The following SREK1IP1 variants were observed in gnomAD, a reference collection of about 807,000 sequenced individuals.
SREK1IP1 encodes protein SREK1IP1.
In SREK1IP1, 12 loss-of-function variants were observed where a neutral mutation model predicts 22.8. The observed-to-expected ratio is 0.53, with a 90% CI of 0.34 to 0.85. SREK1IP1 has a LOEUF of 0.85. Among genes scored for constraint, SREK1IP1 ranks in the 40% least tolerant of loss-of-function variants. The probability of loss-of-function intolerance (pLI) is 0.02; values close to 1 mark genes in which losing one functional copy is unlikely to be tolerated. For synonymous variants in SREK1IP1, 53 were observed against 52.7 expected (o/e 1.01, Z -0.02); for missense variants, 147 against 171.8 (o/e 0.86, Z 0.81).
At chr5:64,764,748 A>T (rs1743007961) in intron 1 of SREK1IP1, among the ~76,000 whole-genome samples, 1 of 152,196 alleles carries the variant, frequency 6.6e-6, no homozygotes. Context: ...GCCTCCCACC[A>T]ATGATAGGAT....
At chr5:64,749,621 T>G (rs1742707283) in intron 2 of SREK1IP1, among the ~76,000 whole-genome samples, 1 of 151,966 alleles carries the variant, frequency 6.6e-6, no homozygotes, top group Non-Finnish European at 1.5e-5. Flanking sequence ...GTTTGTTTTT[T>G]GTAGAGATGA....
At chr5:64,747,666 C>T (rs915929760) in intron 2 of SREK1IP1, among the ~76,000 whole-genome samples, 3 of 151,756 alleles carry the variant, frequency 2.0e-5, no homozygotes, top group African/African-American at 7.3e-5. Flanking sequence ...CGGTGGCTCA[C>T]GCCTGTAATC....
intron 4 of SREK1IP1, among the ~76,000 whole-genome samples, chr5:64,727,366 A>C (rs1742288945): frequency 1.4e-5 from 2 of 144,098 alleles, no homozygotes; most frequent in African/African-American, 5.9e-5. Flanking sequence ...AAAAGAGTTA[A>C]TAGTAAAAAT....
At chr5:64,740,204 A>C (rs144811964) in intron 3 of SREK1IP1, among the ~76,000 whole-genome samples, 139 of 152,202 alleles carry the variant, frequency 9.1e-4, no homozygotes, top group African/African-American at 3.2e-3. Context: ...TGTGTCCAGG[A>C]AAGACAGAGA....
chr5:64,728,075 CTTTG>C (rs1486253886), intron 4 of SREK1IP1, 28 bp downstream of exon 4: 6 of 1,305,442 alleles, frequency 4.6e-6, no homozygotes, highest in South Asian at 2.0e-5. Context: ...CATAGGCCTG[CTTTG>C]TTTTTTAAAA....
At chr5:64,741,007 G>A in intron 3 of SREK1IP1, 50 bp downstream of exon 3, 1 of 1,517,428 alleles carries the variant, frequency 6.6e-7, no homozygotes, top group South Asian at 1.1e-5. Flanking sequence ...GATATAATAT[G>A]ACAGAACATT....
Position 64,754,354 on chromosome 5 carries a change from T to C in SREK1IP1, c.22A>G (p.Lys8Glu). 6.2e-7 allele frequency: 1 copy of C among 1,613,810 alleles called. No homozygotes were observed. Among genetic ancestry groups the C allele is most frequent in the Non-Finnish European group, 8.5e-7 (1 of 1,179,754 alleles). MAVPGCNKDSVRAGCKKC... is the reference protein window; with the variant it reads MAVPGCNEDSVRAGCKKC... Reference sequence around the variant, plus strand: ...TTACAGCCTGCTCTGACACTGTCCTTGTTGCAACCTGAAATACAATTGGAT... The same window carrying C: ...TTACAGCCTGCTCTGACACTGTCCTCGTTGCAACCTGAAATACAATTGGAT... Residue 8 changes from lysine (K) to glutamate (E), a missense_variant, in exon 2 of 5, where the codon AAG becomes GAG. Coordinates refer to ENST00000513458, the MANE Select transcript of SREK1IP1 (RefSeq NM_173829.4).
Position 64,728,185 on chromosome 5 carries a change from G to T in SREK1IP1, c.206-6C>A. ...TTCCTCTTCTTCATTTATTCCTGTG[G>T]GGGAGAGGTGAGAAGAAAAAAATCT... On this transcript the variant is annotated splice_region_variant and splice_polypyrimidine_tract_variant and intron_variant, in intron 3 of 4. Coordinates refer to ENST00000513458, the MANE Select transcript of SREK1IP1 (RefSeq NM_173829.4). 7.2e-7 allele frequency: 1 copy of T among 1,383,470 alleles called. No homozygotes were observed. The highest frequency in any genetic ancestry group is 9.4e-7 in the Non-Finnish European group (1 of 1,060,096). 85.7% of individuals were successfully genotyped at this position (1,383,470 alleles called of 1,614,324 possible).
At chr5:64,738,388 T>C (rs1355731680) in intron 3 of SREK1IP1, among the ~76,000 whole-genome samples, 1 of 152,200 alleles carries the variant, frequency 6.6e-6, no homozygotes, top group Non-Finnish European at 1.5e-5. Flanking sequence ...ATTGAAAGAA[T>C]ATTGTTAAAA....
chr5:64,759,263 G>A (rs912276446), intron 1 of SREK1IP1, among the ~76,000 whole-genome samples: 8 of 152,072 alleles, frequency 5.3e-5, no homozygotes, highest in South Asian at 2.1e-4. Context: ...AGTTTCTATC[G>A]TTTGGAATAA....
At chr5:64,764,190 G>T (rs1362223456) in intron 1 of SREK1IP1, among the ~76,000 whole-genome samples, 1 of 152,176 alleles carries the variant, frequency 6.6e-6, no homozygotes, top group Non-Finnish European at 1.5e-5. Flanking sequence ...TTACGAGTCT[G>T]TGTTGGGCTG....
chr5:64,726,194 A>T (rs1268400005), intron 4 of SREK1IP1, among the ~76,000 whole-genome samples: 5 of 151,994 alleles, frequency 3.3e-5, no homozygotes, highest in Admixed American at 3.3e-4. Context: ...TTAAGGCAAA[A>T]TTTCAGGCTG....
At chr5:64,751,165 T>C (rs6864222) in intron 2 of SREK1IP1, among the ~76,000 whole-genome samples, 9,577 of 152,224 alleles carry the variant, frequency 0.063, 975 homozygotes, top group African/African-American at 0.22. Context: ...ATAACTCTTA[T>C]CTGTTGCACC....
At chr5:64,753,614 A>G (rs1046342458) in intron 2 of SREK1IP1, among the ~76,000 whole-genome samples, 4 of 152,154 alleles carry the variant, frequency 2.6e-5, no homozygotes, top group Non-Finnish European at 4.4e-5. Context: ...TTGTCAAATC[A>G]TTCTTAGTTG....
At chr5:64,749,533 C>T (rs1025345757) in intron 2 of SREK1IP1, among the ~76,000 whole-genome samples, 1 of 152,130 alleles carries the variant, frequency 6.6e-6, no homozygotes, top group African/African-American at 2.4e-5. Context: ...GCATCCTGGG[C>T]TCAAGCCAAC....
chr5:64,733,656 A>G (rs1037322463), intron 3 of SREK1IP1, among the ~76,000 whole-genome samples: 5 of 152,150 alleles, frequency 3.3e-5, no homozygotes, highest in East Asian at 1.9e-4. Flanking sequence ...ACTGTGGGGC[A>G]TATGTCTCAT....
At chr5:64,728,674 T>C (rs1295983952) in intron 3 of SREK1IP1, among the ~76,000 whole-genome samples, 1 of 152,236 alleles carries the variant, frequency 6.6e-6, no homozygotes, top group Non-Finnish European at 1.5e-5. Context: ...GTTCCAAGTA[T>C]TTTTTGCCTT....
intron 2 of SREK1IP1, among the ~76,000 whole-genome samples, chr5:64,748,481 G>T (rs558755526): frequency 1.1e-3 from 160 of 152,234 alleles, no homozygotes; most frequent in African/African-American, 3.7e-3. Flanking sequence ...GGCAAATTTT[G>T]TGTTATATAT....
At chr5:64,763,501 C>A (rs956130001) in intron 1 of SREK1IP1, among the ~76,000 whole-genome samples, 5 of 152,028 alleles carry the variant, frequency 3.3e-5, no homozygotes, top group Admixed American at 6.5e-5. Context: ...AGTGCCACTG[C>A]ACTCCAGCCT....
Sources: gnomAD v4.1 joint callset for allele counts (sites outside exome capture counted in the v4.1 genomes callset) on GRCh38, gnomAD v4.1.1 for gene constraint, MANE v1.5 for transcripts, NCBI Gene and HGNC (gene_info 2026-07-23, HGNC 2026-07-21) for gene names.